CDH18: variants seen among roughly 807,000 people sequenced by gnomAD.
The protein encoded by CDH18 is cadherin 18, also known as cadherin-18.
Under a neutral mutation model 67.9 loss-of-function variants are expected in CDH18, and 31 were observed. That is an observed-to-expected ratio of 0.46 (90% confidence interval 0.34 to 0.62). CDH18 has a LOEUF of 0.62. CDH18 is among the 20% of genes least tolerant of loss of function. The pLI is 0.01. For synonymous variants in CDH18, 362 were observed against 347.2 expected, an observed-to-expected ratio of 1.04 and a Z score of -0.48; for missense variants, 890 against 975.5, an observed-to-expected ratio of 0.91 and a Z score of 1.17.
intron 6 of CDH18, among the ~76,000 whole-genome samples, chr5:19,604,722 AAG>A (rs1396844282): frequency 6.6e-6 from 1 of 152,092 alleles, no homozygotes; most frequent in African/African-American, 2.4e-5. Flanking sequence ...CATAAATAAA[AAG>A]GGCAATTTTC....
intron 2 of CDH18, among the ~76,000 whole-genome samples, chr5:19,939,833 T>G (rs1336428780): frequency 6.6e-6 from 1 of 151,910 alleles, no homozygotes; most frequent in Non-Finnish European, 1.5e-5. Flanking sequence ...GTTTTTGGAC[T>G]GGAAAGACTC....
intron 10 of CDH18, among the ~76,000 whole-genome samples, chr5:19,520,043 A>G (rs1746642319): frequency 6.6e-6 from 1 of 152,182 alleles, no homozygotes; most frequent in Admixed American, 6.5e-5. Flanking sequence ...TATACAGCAG[A>G]AAAACAAATG....
At chr5:19,985,022 CTTTA>C (rs935166201) in intron 1 of CDH18, among the ~76,000 whole-genome samples, 2 of 152,074 alleles carry the variant, frequency 1.3e-5, no homozygotes, top group African/African-American at 4.8e-5. Flanking sequence ...GAACCAGTAT[CTTTA>C]TTTATTTATT....
chr5:20,070,757 T>C (rs1743413284), intron 2 of CDH18, among the ~76,000 whole-genome samples: 1 of 152,182 alleles, frequency 6.6e-6, no homozygotes, highest in South Asian at 2.1e-4. Context: ...AACACTGTAC[T>C]TTCATTTACT....
chr5:19,755,146 G>A (rs552796763), intron 3 of CDH18, among the ~76,000 whole-genome samples: 188 of 145,602 alleles, frequency 1.3e-3, no homozygotes, highest in Non-Finnish European at 2.1e-3. Flanking sequence ...CAGAAGAAAG[G>A]AAATAACCAA....
chr5:19,577,305 G>A (rs1742478156), intron 7 of CDH18, among the ~76,000 whole-genome samples: 1 of 151,978 alleles, frequency 6.6e-6, no homozygotes, highest in Admixed American at 6.6e-5. Flanking sequence ...CAATCACATT[G>A]TACATCATAA....
intron 1 of CDH18, among the ~76,000 whole-genome samples, chr5:20,266,617 C>T (rs1287805240): frequency 4.3e-5 from 4 of 93,118 alleles, no homozygotes; most frequent in East Asian, 3.8e-4. Context: ...TTAGTAGAGA[C>T]GGGGTTTCAC....
intron 5 of CDH18, among the ~76,000 whole-genome samples, chr5:19,654,263 G>A (rs923506135): frequency 2.6e-5 from 4 of 152,158 alleles, no homozygotes; most frequent in Non-Finnish European, 5.9e-5. Flanking sequence ...AGAGGTGATA[G>A]CACTTCTATA....
At chr5:19,580,814 T>C (rs1157350929) in intron 7 of CDH18, among the ~76,000 whole-genome samples, 3 of 151,964 alleles carry the variant, frequency 2.0e-5, no homozygotes, top group Non-Finnish European at 4.4e-5. Flanking sequence ...TTAAGCACTA[T>C]GTTATCCTGG....
rs1223505349 is a variant in CDH18 at position 20,416,860 on chromosome 5, GTA to G, written c.-580+158600_-580+158601del. Among the ~76,000 whole-genome samples, 4 of 152,076 alleles carry G rather than the reference GTA, an allele frequency of 2.6e-5. No homozygotes were observed. In the South Asian group the frequency reaches 8.3e-4, roughly 32 times the overall value. ...ACATGAAAAAATAATTCCAGGATCA[GTA>G]AAAAGAGCCAGATTATTTAGCTTAG... On this transcript the variant is annotated intron_variant, in intron 1 of 14. Transcript: ENST00000507958.
chr5:19,677,519 A>G (rs1224596304), intron 5 of CDH18, among the ~76,000 whole-genome samples: 4 of 152,082 alleles, frequency 2.6e-5, no homozygotes, highest in African/African-American at 9.7e-5. Context: ...CTGTATAACA[A>G]ACAGCTAACA....
chr5:20,195,567 A>G (rs955995922), intron 2 of CDH18, among the ~76,000 whole-genome samples: 4 of 152,194 alleles, frequency 2.6e-5, no homozygotes, highest in Non-Finnish European at 4.4e-5. Flanking sequence ...AGATAAATTC[A>G]TTGGTATATC....
intron 4 of CDH18, among the ~76,000 whole-genome samples, chr5:19,733,738 A>C (rs1767925247): frequency 6.6e-6 from 1 of 152,154 alleles, no homozygotes; most frequent in Admixed American, 6.5e-5. Flanking sequence ...AGGCTGACTG[A>C]GCTGCTAACA....
Position 20,103,973 on chromosome 5 carries a change from T to C in CDH18, c.-517-111959A>G, listed in dbSNP as rs190023845. Among the ~76,000 whole-genome samples the C allele has an allele frequency of 1.6e-4, 25 of 151,682 alleles. 1 individual carries two copies. Among genetic ancestry groups the C allele is most frequent in the East Asian group, 7.8e-4 (4 of 5,156 alleles). On this transcript the variant is annotated intron_variant, in intron 2 of 14. Coordinates refer to the CDH18 transcript ENST00000507958. ...TACAGTAACATGCCATACAGGTTTC[T>C]AGCACAAGAGCAAGGGCATCTATTG...
At chr5:20,068,473 T>C (rs1243471671) in intron 2 of CDH18, among the ~76,000 whole-genome samples, 1 of 152,098 alleles carries the variant, frequency 6.6e-6, no homozygotes, top group East Asian at 1.9e-4. Flanking sequence ...ACATAGGGTA[T>C]ATGGGAGTAG....
At chr5:20,233,657 T>C (rs1742254472) in intron 2 of CDH18, among the ~76,000 whole-genome samples, 2 of 152,062 alleles carry the variant, frequency 1.3e-5, no homozygotes, top group Admixed American at 1.3e-4. Context: ...TGTGTTTGCA[T>C]GTGTATTTAT....
chr5:19,957,105 T>A (rs927202690), intron 2 of CDH18, among the ~76,000 whole-genome samples: 1 of 151,964 alleles, frequency 6.6e-6, no homozygotes, highest in African/African-American at 2.4e-5. Flanking sequence ...AAGTCCTTTT[T>A]GTATGTTTCA....
chr5:20,407,336 G>A (rs534561329), intron 1 of CDH18, among the ~76,000 whole-genome samples: 1 of 152,120 alleles, frequency 6.6e-6, no homozygotes, highest in South Asian at 2.1e-4. Context: ...ACACCTAGGG[G>A]CCACTAAGAA....
intron 1 of CDH18, among the ~76,000 whole-genome samples, chr5:20,319,403 T>G (rs986954405): frequency 2.0e-5 from 3 of 152,154 alleles, no homozygotes; most frequent in African/African-American, 7.2e-5. Flanking sequence ...TTCTCACACT[T>G]CAAAACTCAA....
Sources: gnomAD v4.1 joint callset for allele counts (sites outside exome capture counted in the v4.1 genomes callset) on GRCh38, gnomAD v4.1.1 for gene constraint, MANE v1.5 for transcripts, NCBI Gene and HGNC (gene_info 2026-07-23, HGNC 2026-07-21) for gene names.